The following OSBPL10 variants were observed in gnomAD, a reference collection of about 807,000 sequenced individuals.
The protein encoded by OSBPL10 is oxysterol-binding protein-related protein 10.
In OSBPL10, 49 loss-of-function variants were observed where a neutral mutation model predicts 81.7. That is an observed-to-expected ratio of 0.60 (90% CI 0.48 to 0.76). The LOEUF is 0.76. Ranked by LOEUF, OSBPL10 falls within the 30% of genes least tolerant of loss-of-function variation. The probability of loss-of-function intolerance (pLI) is 0.00; values close to 1 mark genes in which losing one functional copy is unlikely to be tolerated. For synonymous variants in OSBPL10, 419 were observed against 383.6 expected (o/e 1.09, Z -1.08); for missense variants, 923 against 987.8 (o/e 0.93, Z 0.88).
At chr3:31,898,660 T>A (rs1696135164) in intron 1 of OSBPL10, among the ~76,000 whole-genome samples, 1 of 151,406 alleles carries the variant, frequency 6.6e-6, no homozygotes, top group Non-Finnish European at 1.5e-5. Flanking sequence ...TATACAGATA[T>A]ACGGAAACAT....
chr3:31,976,654 A>G (rs1698701626), intron 1 of OSBPL10, among the ~76,000 whole-genome samples: 1 of 152,040 alleles, frequency 6.6e-6, no homozygotes, highest in Non-Finnish European at 1.5e-5. Context: ...ACAGGGTTTC[A>G]CCATGGTTCC....
intron 3 of OSBPL10, among the ~76,000 whole-genome samples, chr3:31,861,486 TTG>T (rs1192561735): frequency 1.3e-5 from 2 of 152,192 alleles, no homozygotes; most frequent in African/African-American, 4.8e-5. Context: ...TTTAGAATAT[TTG>T]TGATCCAGAG....
At chr3:32,028,931 C>CAA in intron 2 of OSBPL10, among the ~76,000 whole-genome samples, 1 of 82,970 alleles carries the variant, frequency 1.2e-5, no homozygotes, top group Non-Finnish European at 2.5e-5. Flanking sequence ...AGTCAGGACA[C>CAA]ACACACACAC....
chr3:31,879,643 AG>A lies in OSBPL10; in HGVS notation c.457+11del. On this transcript the variant is annotated intron_variant, in intron 2 of 11. Coordinates refer to ENST00000396556, the MANE Select transcript of OSBPL10 (RefSeq NM_017784.5). ...GAGGCCTGTCTGAAAAGTTACTGGG[AG>A]AAGAACGCACCTCTCAGTTTAAACA... 6.2e-7 allele frequency: 1 copy of A among 1,600,956 alleles called. No individual in the cohort carries two copies. The highest frequency in any genetic ancestry group is 8.5e-7 in the Non-Finnish European group (1 of 1,175,158).
At chr3:31,690,919 C>CA (rs1314749952) in intron 7 of OSBPL10, among the ~76,000 whole-genome samples, 2 of 148,060 alleles carry the variant, frequency 1.4e-5, no homozygotes, top group African/African-American at 5.0e-5. Context: ...GCACCCTCTC[C>CA]TTTTTTTTTT....
chr3:31,794,982 C>T, intron 4 of OSBPL10: 1 of 301,840 alleles, frequency 3.3e-6, no homozygotes, highest in Non-Finnish European at 6.8e-6. Flanking sequence ...AGCCATTTAT[C>T]TCTTATGAGG....
At chr3:31,732,644 G>GA (rs1277371364) in intron 6 of OSBPL10, 1 of 152,454 alleles carries the variant, frequency 6.6e-6, no homozygotes, top group Non-Finnish European at 1.5e-5. Flanking sequence ...CTTAGAGGCA[G>GA]AAATAGGAGA....
chr3:31,923,423 C>T (rs1425648677), intron 1 of OSBPL10, among the ~76,000 whole-genome samples: 2 of 152,098 alleles, frequency 1.3e-5, no homozygotes, highest in Admixed American at 6.6e-5. Context: ...AGGATCGTAA[C>T]GAGGAAATAA....
At chr3:31,853,388 A>G (rs559506945) in intron 3 of OSBPL10, among the ~76,000 whole-genome samples, 7 of 152,154 alleles carry the variant, frequency 4.6e-5, no homozygotes, top group Non-Finnish European at 1.0e-4. Flanking sequence ...GAAGGGCTGG[A>G]AAAGCAGCTA....
intron 4 of OSBPL10, among the ~76,000 whole-genome samples, chr3:31,783,859 TG>T (rs1698790550): frequency 1.3e-4 from 11 of 86,046 alleles, no homozygotes; most frequent in Non-Finnish European, 2.3e-4. Context: ...TATATATATA[TG>T]AATGAATAAA....
intron 5 of OSBPL10, among the ~76,000 whole-genome samples, chr3:31,742,002 C>G (rs1367299808): frequency 6.6e-6 from 1 of 152,204 alleles, no homozygotes; most frequent in Non-Finnish European, 1.5e-5. Context: ...CCAATAAACC[C>G]CTTTCTTTTG....
chr3:31,724,125 C>T (rs1696738460), intron 6 of OSBPL10, among the ~76,000 whole-genome samples: 1 of 152,052 alleles, frequency 6.6e-6, no homozygotes, highest in Non-Finnish European at 1.5e-5. Context: ...CCCTTTGTGG[C>T]AACAAAAATG....
Position 31,766,342 on chromosome 3 carries a change from TTTTTG to T in OSBPL10, c.730-18227_730-18223del, listed in dbSNP as rs1397317164. On this transcript the variant is annotated intron_variant, in intron 4 of 11. Transcript: ENST00000396556. ...TGTAGTTTTTTTGTTTTTTTGTTTT[TTTTTG>T]TTTTTTTTTTGAGACACGGTCTCAC... Among the ~76,000 whole-genome samples the T allele has an allele frequency of 3.4e-4, 37 of 107,680 alleles. 3 individuals carry two copies. The highest frequency in any genetic ancestry group is 5.8e-4 in the Admixed American group (7 of 12,110). The allele number at this position is 107,680 out of a possible 152,430, so 70.6% of individuals were successfully genotyped here. A position where few individuals can be genotyped will look rare whatever the true frequency, so the allele number is the denominator to read the frequency against.
chr3:31,929,177 G>A (rs958427079), intron 1 of OSBPL10, among the ~76,000 whole-genome samples: 24 of 151,666 alleles, frequency 1.6e-4, no homozygotes, highest in Admixed American at 1.6e-3. Flanking sequence ...TCCATTCTTA[G>A]AAGAAAAAAA....
intron 6 of OSBPL10, among the ~76,000 whole-genome samples, chr3:31,725,278 A>G (rs7629930): frequency 6.6e-6 from 1 of 152,194 alleles, no homozygotes; most frequent in South Asian, 2.1e-4. Context: ...TTGAGGGAGC[A>G]GTATATTTTT....
At position 31,761,712 on chromosome 3, in the gene OSBPL10, G is replaced by C. The variant is rs144619416; in HGVS notation, c.730-13592C>G. 1.5e-3 allele frequency among the ~76,000 whole-genome samples: 229 copies of C among 148,124 alleles called. 2 individuals carry two copies. The highest frequency in any genetic ancestry group is 5.4e-3 in the African/African-American group (214 of 39,770). On this transcript the variant is annotated intron_variant, in intron 4 of 11. Coordinates refer to ENST00000396556, the MANE Select transcript of OSBPL10 (RefSeq NM_017784.5). ...CACAATTGACACCAGCTAATCCAGA[G>C]ACTGAGGCAGGAGAATCACTTGAAC...
chr3:31,971,143 T>C (rs986497248), intron 1 of OSBPL10, among the ~76,000 whole-genome samples: 33 of 55,154 alleles, frequency 6.0e-4, no homozygotes, highest in South Asian at 1.9e-3. Flanking sequence ...TTTTTTCTTT[T>C]TTTTTTTTTT....
intron 2 of OSBPL10, among the ~76,000 whole-genome samples, chr3:32,039,077 C>G (rs1173838096): frequency 6.6e-6 from 1 of 152,042 alleles, no homozygotes; most frequent in Admixed American, 6.6e-5. Context: ...GTAATCCTAG[C>G]ACTTTTGGGA....
intron 1 of OSBPL10, among the ~76,000 whole-genome samples, chr3:31,915,704 C>T (rs1187882238): frequency 6.6e-6 from 1 of 151,930 alleles, no homozygotes; most frequent in Non-Finnish European, 1.5e-5. Context: ...GTGAGCATCA[C>T]TCAGTACACC....
Sources: allele counts gnomAD v4.1 joint callset (sites outside exome capture counted in the v4.1 genomes callset), GRCh38; gene constraint gnomAD v4.1.1; transcripts MANE v1.5; gene names NCBI Gene and HGNC (gene_info 2026-07-23, HGNC 2026-07-21).